Variants in MYLK3 observed in about 807,000 individuals in gnomAD.
MYLK3 encodes myosin light chain kinase 3.
A neutral mutation model predicts 76.3 loss-of-function variants in MYLK3; 55 were observed. The ratio of observed to expected loss-of-function variants is 0.72; its 90% CI spans 0.58 to 0.90. The LOEUF (loss-of-function observed/expected upper bound fraction) is 0.90, where lower values mean the gene tolerates loss of function less well. Ranked by LOEUF, MYLK3 falls within the 40% of genes least tolerant of loss-of-function variation. The pLI is 0.00. For synonymous variants in MYLK3, 416 were observed against 425.4 expected (o/e 0.98, Z 0.27); for missense variants, 973 against 1,053.6 (o/e 0.92, Z 1.06).
rs753404471 is a variant in MYLK3, at chr16:46,732,598, G to T, written c.1072C>A (p.Pro358Thr). The T allele has an allele frequency of 4.4e-6, 7 of 1,586,690 alleles. No homozygotes were observed. The South Asian group carries it at 6.7e-5, about 15-fold the overall frequency. The stretch of plus-strand genomic sequence containing the variant: ...GCTGGAGCCTCTGTGGTGAGGGTGG[G>T]TCCAAGGCTGCCCCTGCCTGTCATC... ...MLMTGRGSLG[P>T]TLTTEAPAAA... is the part of the protein sequence containing the mutation. Residue 358 changes from proline (P) to threonine (T), a missense_variant, in exon 4 of 13, where the codon CCC (proline) becomes ACC (threonine). Around this residue, in one of 2 missense-constraint regions of MYLK3, gnomAD observed 641 missense variants for 637.0 expected, o/e 1.01. Coordinates refer to ENST00000394809, the MANE Select transcript of MYLK3 (RefSeq NM_182493.3).
rs747938118 is a variant in MYLK3 at position 46,747,848 on chromosome 16, T to G, written c.346A>C (p.Arg116=). Residue 116 remains arginine, a synonymous_variant, in exon 1 of 13, where the codon AGG becomes CGG. Coordinates refer to ENST00000394809, the MANE Select transcript of MYLK3 (RefSeq NM_182493.3). ...GCCCTGTCCACCGCAGCCACCATCCTGAAGAGGGCCTCCAGCCTGGCACCG... is the reference window on the plus strand; with the variant it reads ...GCCCTGTCCACCGCAGCCACCATCCGGAAGAGGGCCTCCAGCCTGGCACCG... The part of the protein sequence containing the change: ...QHGARLEALF[R]MVAAVDRAIA... The G allele has an allele frequency of 8.7e-6, 14 of 1,614,038 alleles. No homozygotes were observed. The highest frequency in any genetic ancestry group is 1.2e-5 in the Non-Finnish European group (14 of 1,180,028).
rs187684320 is a variant in MYLK3 at position 46,741,412 on chromosome 16, C to A, written c.478-1265G>T. 3.9e-5 allele frequency among the ~76,000 whole-genome samples: 6 copies of A among 152,326 alleles called. No individual in the cohort carries two copies. The East Asian group carries it at 1.2e-3, about 29-fold the overall frequency. On this transcript the variant is annotated intron_variant, in intron 1 of 12. Coordinates refer to ENST00000394809, the MANE Select transcript of MYLK3 (RefSeq NM_182493.3). ...CCCATGCTTTCACCCATAAAACAGC[C>A]CAGAGCCATCAGTATGCTTAGTTAG...
chr16:46,728,708 A>G (rs1156268223), intron 7 of MYLK3, among the ~76,000 whole-genome samples: 5 of 152,166 alleles, frequency 3.3e-5, no homozygotes, highest in Admixed American at 6.5e-5. Context: ...GTGACAGAGT[A>G]AGACCTTGTC....
intron 4 of MYLK3, 128 bp downstream of exon 4, chr16:46,732,080 C>T: frequency 1.3e-6 from 1 of 794,662 alleles, no homozygotes; most frequent in Non-Finnish European, 1.9e-6. Flanking sequence ...GGAGATGTTC[C>T]CGACTCTTGG....
intron 1 of MYLK3, among the ~76,000 whole-genome samples, chr16:46,755,926 G>A (rs1395548876): frequency 9.8e-5 from 2 of 20,478 alleles, no homozygotes; most frequent in Admixed American, 1.0e-3. Flanking sequence ...TTTTTTTTTT[G>A]AGATGGAGTC....
chr16:46,747,008 T>C (rs575303736), intron 1 of MYLK3, among the ~76,000 whole-genome samples: 1 of 152,262 alleles, frequency 6.6e-6, no homozygotes, highest in Non-Finnish European at 1.5e-5. Flanking sequence ...GGGTCTGAAA[T>C]GGTGGCTCCA....
intron 1 of MYLK3, among the ~76,000 whole-genome samples, chr16:46,742,092 A>T (rs1245356111): frequency 6.6e-6 from 1 of 152,082 alleles, no homozygotes; most frequent in Non-Finnish European, 1.5e-5. Context: ...TATTGTGGTG[A>T]TGGTGACATG....
rs527371354 is a variant in MYLK3 at position 46,702,703 on chromosome 16, C to T, written c.*5001G>A. Among the ~76,000 whole-genome samples the T allele has an allele frequency of 3.0e-4, 45 of 152,158 alleles. No homozygotes were observed. The highest frequency in any genetic ancestry group is 9.6e-4 in the African/African-American group (40 of 41,526). On this transcript the variant is annotated 3_prime_UTR_variant, in exon 13 of 13. Transcript: ENST00000394809. ...TTGGGAGGCCGAGGTGGGCAGATCACGAGGTCAAGAGATCGAGACCATCCT... is the reference window on the plus strand; with the variant it reads ...TTGGGAGGCCGAGGTGGGCAGATCATGAGGTCAAGAGATCGAGACCATCCT...
At chr16:46,745,015 G>GAA (rs766600239) in intron 1 of MYLK3, among the ~76,000 whole-genome samples, 5 of 143,612 alleles carry the variant, frequency 3.5e-5, no homozygotes, top group African/African-American at 7.6e-5. Flanking sequence ...GGGGAAAAGA[G>GAA]AAAAAAAAAA....
chr16:46,728,108 T>G (rs1185543049), intron 7 of MYLK3, among the ~76,000 whole-genome samples: 2 of 152,228 alleles, frequency 1.3e-5, no homozygotes, highest in Non-Finnish European at 2.9e-5. Context: ...TTTTCCACTT[T>G]CAATAAGGAC....
chr16:46,732,645 A>G lies in MYLK3; in HGVS notation c.1025T>C (p.Met342Thr), dbSNP rs2143015144. 4 of 1,536,114 alleles carry G rather than the reference A, an allele frequency of 2.6e-6. No individual in the cohort carries two copies. Among genetic ancestry groups the G allele is most frequent in the Admixed American group, 2.0e-5 (1 of 50,338 alleles). The change falls in exon 4 of 13, where the codon ATG becomes ACG. Residue 342 changes from methionine (M) to threonine (T), a missense_variant. Physicochemically the swap from Met to Thr is moderately conservative, Grantham distance 81. Transcript: ENST00000394809. ...PPRISIHIQE[M>T]DTPGEMLMTG... is the part of the protein sequence containing the mutation. ...CATCAGCATCTCCCCAGGAGTATCC[A>G]TCTCTTGTATGTGGATGGAGATCCT...
At chr16:46,716,431 G>T (rs555955298) in intron 9 of MYLK3, among the ~76,000 whole-genome samples, 2 of 150,710 alleles carry the variant, frequency 1.3e-5, no homozygotes, top group African/African-American at 4.9e-5. Context: ...TATATAGCCC[G>T]CATATATGTA....
Position 46,737,761 on chromosome 16 carries a change from C to A in MYLK3, c.951G>T (p.Gly317=), listed in dbSNP as rs2143015795. 2.5e-6 allele frequency: 4 copies of A among 1,610,794 alleles called. No homozygotes were observed. Among genetic ancestry groups the A allele is most frequent in the Non-Finnish European group, 3.4e-6 (4 of 1,179,350 alleles). ...GPGPQCPGPP[G]LPAQARATHS... is the part of the protein sequence containing the mutation. ...GGGTTGCCCTGGCCTGGGCTGGCAG[C>A]CCTGGAGGCCCTGGGCACTGAGGGC... Residue 317 remains glycine, a synonymous_variant, in exon 3 of 13, where the codon GGG becomes GGT. Transcript: ENST00000394809.
chr16:46,745,432 A>C (rs943734617), intron 1 of MYLK3, among the ~76,000 whole-genome samples: 1 of 152,186 alleles, frequency 6.6e-6, no homozygotes, highest in African/African-American at 2.4e-5. Context: ...GGACAATGTG[A>C]ATAACATTTG....
intron 1 of MYLK3, 131 bp downstream of exon 1, chr16:46,747,586 C>G: frequency 1.1e-6 from 1 of 891,714 alleles, no homozygotes; most frequent in Non-Finnish European, 1.8e-6. Flanking sequence ...TCCAGCTCTC[C>G]TTTTCCCCAT....
chr16:46,732,122 A>G (rs1966853619), intron 4 of MYLK3, 86 bp downstream of exon 4: 1 of 1,151,604 alleles, frequency 8.7e-7, no homozygotes, highest in Non-Finnish European at 1.2e-6. Context: ...CTACCCCTGG[A>G]AGCTACAGGA....
intron 1 of MYLK3, among the ~76,000 whole-genome samples, chr16:46,740,897 A>G (rs1377620030): frequency 1.3e-5 from 2 of 152,208 alleles, no homozygotes; most frequent in African/African-American, 2.4e-5. Context: ...TCAACTGGTC[A>G]TGGCTACTAC....
Position 46,710,651 on chromosome 16 carries a change from C to T in MYLK3, c.2253G>A (p.Leu751=). Reference sequence around the variant, plus strand: ...ATGAAAGGTACCTCTTCTCTTTGACCAGCAACCGGGAAACAAAGTCCTTGG... The same window carrying T: ...ATGAAAGGTACCTCTTCTCTTTGACTAGCAACCGGGAAACAAAGTCCTTGG... The part of the protein sequence containing the change: ...EEAKDFVSRL[L]VKEKSCRMSA... The change falls in exon 11 of 13, where the codon CTG becomes CTA. Residue 751 remains leucine (L), a synonymous_variant. Transcript: ENST00000394809. The T allele has an allele frequency of 5.0e-6, 8 of 1,614,172 alleles. No individual in the cohort carries two copies. Among genetic ancestry groups the T allele is most frequent in the Non-Finnish European group, 6.8e-6 (8 of 1,180,032 alleles).
chr16:46,730,516 CCA>C, intron 5 of MYLK3, 75 bp downstream of exon 5: 2 of 1,201,960 alleles, frequency 1.7e-6, no homozygotes, highest in Non-Finnish European at 2.5e-6. Flanking sequence ...AGCACCCACC[CCA>C]GTTCTCCAGG....
Sources: gnomAD v4.1 joint callset for allele counts (sites outside exome capture counted in the v4.1 genomes callset) on GRCh38, gnomAD v4.1.1 for gene constraint, gnomAD v4.1.1 regional missense constraint, MANE v1.5 for transcripts, NCBI Gene and HGNC (gene_info 2026-07-23, HGNC 2026-07-21) for gene names.